The following GRHL2 variants were observed in gnomAD, a reference collection of about 807,000 sequenced individuals.
GRHL2 encodes the protein grainyhead like transcription factor 2.
GRHL2 carries 21 observed loss-of-function variants against 83.8 expected under a neutral mutation model. The observed-to-expected ratio is 0.25, with a 90% confidence interval of 0.18 to 0.36. GRHL2 has a LOEUF of 0.36. Ranked by LOEUF, GRHL2 falls within the 10% of genes least tolerant of loss-of-function variation. The probability of loss-of-function intolerance (pLI) is 1.00; values close to 1 mark genes in which losing one functional copy is unlikely to be tolerated. For synonymous variants in GRHL2, 280 were observed against 278.9 expected, an observed-to-expected ratio of 1.00 and a Z score of -0.04; for missense variants, 623 against 781.8, an observed-to-expected ratio of 0.80 and a Z score of 2.42.
chr8:101,626,186 A>G (rs890755667), intron 9 of GRHL2, among the ~76,000 whole-genome samples: 1 of 151,918 alleles, frequency 6.6e-6, no homozygotes, highest in African/African-American at 2.4e-5. Context: ...AAAACCATAC[A>G]TTTTCTCATC....
Position 101,577,409 on chromosome 8 carries a change from G to A in GRHL2, c.893G>A (p.Ser298Asn). 6.2e-7 allele frequency: 1 copy of A among 1,603,730 alleles called. No individual in the cohort carries two copies. The highest frequency in any genetic ancestry group is 8.5e-7 in the Non-Finnish European group (1 of 1,170,696). ...GCTCCACGATTCTCCCCTCTGCAGAGTGTGGTGATGGTGGTCTTCAGTGAA... is the reference window on the plus strand; with the variant it reads ...GCTCCACGATTCTCCCCTCTGCAGAATGTGGTGATGGTGGTCTTCAGTGAA... ...CFRHPISKVR[S>N]VVMVVFSEDK... is the part of the protein sequence containing the mutation. Residue 298 changes from serine to asparagine, a missense_variant and splice_region_variant, in exon 7 of 16, where the codon AGT becomes AAT. By Grantham distance (46) the Ser-to-Asn change is conservative. Around this residue, in one of 8 missense-constraint regions of GRHL2, gnomAD observed 96 missense variants for 144.8 expected, o/e 0.66. Coordinates refer to ENST00000646743, the MANE Select transcript of GRHL2 (RefSeq NM_024915.4).
downstream of GRHL2, among the ~76,000 whole-genome samples, chr8:101,670,032 C>A (rs546652995): frequency 6.6e-6 from 1 of 152,348 alleles, no homozygotes. Context: ...CATCCTCACT[C>A]CCAGGCCCAC....
At chr8:101,656,071 C>T (rs2129730993) in intron 14 of GRHL2, among the ~76,000 whole-genome samples, 1 of 152,202 alleles carries the variant, frequency 6.6e-6, no homozygotes, top group East Asian at 1.9e-4. Context: ...CCCAGCCCAC[C>T]CACGTAAATA....
intron 7 of GRHL2, among the ~76,000 whole-genome samples, chr8:101,592,255 C>A (rs899746643): frequency 2.6e-5 from 4 of 151,936 alleles, no homozygotes; most frequent in African/African-American, 9.7e-5. Context: ...CAGGTGCCCA[C>A]AACCACGCCC....
rs543526703 is a variant in GRHL2 at position 101,631,716 on chromosome 8, G to A, written c.1337G>A (p.Cys446Tyr). The change falls in exon 10 of 16, where the codon TGC becomes TAC. Residue 446 changes from cysteine (C) to tyrosine (Y), a missense_variant. Coordinates refer to ENST00000646743, the MANE Select transcript of GRHL2 (RefSeq NM_024915.4). Reference protein sequence around the residue: ...KGKGQASQTQCNSSSDGKLAA... With the variant: ...KGKGQASQTQYNSSSDGKLAA... The stretch of plus-strand genomic sequence containing the variant: ...AAAGGCCAGGCCTCCCAAACTCAAT[G>A]CAACAGCTGTGAGTTTCACTGAGAC... The A allele has an allele frequency of 1.6e-5, 25 of 1,612,860 alleles. No individual in the cohort carries two copies. The highest frequency in any genetic ancestry group is 2.1e-5 in the Non-Finnish European group (25 of 1,179,072).
At chr8:101,505,412 T>C (rs1459762887) in intron 1 of GRHL2, among the ~76,000 whole-genome samples, 1 of 151,890 alleles carries the variant, frequency 6.6e-6, no homozygotes, top group East Asian at 1.9e-4. Context: ...ACCCCATCTC[T>C]ATTAAAAATA....
chr8:101,589,244 T>C (rs997641163), intron 7 of GRHL2, among the ~76,000 whole-genome samples: 3 of 152,238 alleles, frequency 2.0e-5, no homozygotes, highest in African/African-American at 4.8e-5. Flanking sequence ...CCAGGTACTT[T>C]TGTGTGATTT....
At position 101,577,434 on chromosome 8, in the gene GRHL2, A is replaced by G; in HGVS notation, c.918A>G (p.Glu306=). Residue 306 remains glutamate, a synonymous_variant, in exon 7 of 16, where the codon GAA becomes GAG. Transcript: ENST00000646743. ...VRSVVMVVFS[E]DKNRDEQLKY... The stretch of plus-strand genomic sequence containing the variant: ...GTGTGGTGATGGTGGTCTTCAGTGA[A>G]GACAAAAACAGAGATGAACAGCTCA... 2 of 1,613,834 alleles carry G rather than the reference A, an allele frequency of 1.2e-6. No individual in the cohort carries two copies. Among genetic ancestry groups the G allele is most frequent in the Non-Finnish European group, 1.7e-6 (2 of 1,179,742 alleles).
Position 101,573,650 on chromosome 8 carries a change from G to GT in GRHL2, c.735-15dup. The GT allele has an allele frequency of 6.2e-7, 1 of 1,614,124 alleles. No individual in the cohort carries two copies. Reference sequence around the variant, plus strand: ...GTCCAAGTGAGTGGATCTGACCGCTGTTTGTTTTCTTTCACAGTGGCACAT... The same window carrying GT: ...GTCCAAGTGAGTGGATCTGACCGCTGTTTTGTTTTCTTTCACAGTGGCACAT... On this transcript the variant is annotated splice_polypyrimidine_tract_variant and intron_variant, in intron 5 of 15. Transcript: ENST00000646743.
chr8:101,651,034 G>T (rs905201301), intron 14 of GRHL2, among the ~76,000 whole-genome samples: 3 of 152,028 alleles, frequency 2.0e-5, no homozygotes, highest in Non-Finnish European at 4.4e-5. Context: ...TACTGGATCT[G>T]CCTCACATTA....
intron 6 of GRHL2, among the ~76,000 whole-genome samples, chr8:101,574,652 C>A (rs1811897149): frequency 6.6e-6 from 1 of 152,212 alleles, no homozygotes; most frequent in Non-Finnish European, 1.5e-5. Flanking sequence ...GGCATGCCGC[C>A]AGTGCAGGTG....
chr8:101,539,465 T>TG (rs1239335417), intron 1 of GRHL2, among the ~76,000 whole-genome samples: 2 of 152,208 alleles, frequency 1.3e-5, no homozygotes, highest in East Asian at 1.9e-4. Context: ...TAATCAATCG[T>TG]GGGGGGCCGG....
chr8:101,557,024 T>C lies in GRHL2; in HGVS notation c.285-1395T>C, dbSNP rs1206527156. 4.6e-5 allele frequency among the ~76,000 whole-genome samples: 7 copies of C among 152,098 alleles called. No homozygotes were observed. The East Asian group carries it at 1.3e-3, about 29-fold the overall frequency. ...TTCAGCAATGATAAATTTTTGCCACTGCTTAATATCTGCTTGATACTGACC... is the reference window on the plus strand; with the variant it reads ...TTCAGCAATGATAAATTTTTGCCACCGCTTAATATCTGCTTGATACTGACC... On this transcript the variant is annotated intron_variant, in intron 3 of 15. Coordinates refer to ENST00000646743, the MANE Select transcript of GRHL2 (RefSeq NM_024915.4).
At chr8:101,550,798 T>C (rs1811364375) in intron 2 of GRHL2, among the ~76,000 whole-genome samples, 1 of 152,240 alleles carries the variant, frequency 6.6e-6, no homozygotes, top group South Asian at 2.1e-4. Flanking sequence ...CTCTCTGTTT[T>C]ACCTTCTGTC....
Position 101,664,488 on chromosome 8 carries a change from T to C in GRHL2, c.1733T>C (p.Ile578Thr). 1.2e-6 allele frequency: 2 copies of C among 1,613,710 alleles called. No individual in the cohort carries two copies. Among genetic ancestry groups the C allele is most frequent in the African/African-American group, 1.3e-5 (1 of 75,028 alleles). Residue 578 changes from isoleucine to threonine, a missense_variant, in exon 15 of 16, where the codon ATA becomes ACA. By Grantham distance (89) the Ile-to-Thr change is moderately conservative (BLOSUM62 -1). Coordinates refer to ENST00000646743, the MANE Select transcript of GRHL2 (RefSeq NM_024915.4). ...SEKYGLPVEK[I>T]AKLYKKSKKG... Reference sequence around the variant, plus strand: ...AAATATGGGCTGCCCGTGGAGAAGATAGCAAAGCTTTACAAGAAAAGCAAA... The same window carrying C: ...AAATATGGGCTGCCCGTGGAGAAGACAGCAAAGCTTTACAAGAAAAGCAAA...
chr8:101,614,752 T>C (rs993141141), intron 8 of GRHL2, among the ~76,000 whole-genome samples: 5 of 152,230 alleles, frequency 3.3e-5, no homozygotes, highest in Non-Finnish European at 4.4e-5. Context: ...TGAATGCTTA[T>C]CACTTTCCAA....
intron 9 of GRHL2, 100 bp from the exon 10 acceptor site, chr8:101,631,537 C>T: frequency 1.0e-6 from 1 of 960,068 alleles, no homozygotes; most frequent in Non-Finnish European, 1.6e-6. Context: ...TTACCTCCTC[C>T]CCTGTATTGT....
intron 7 of GRHL2, among the ~76,000 whole-genome samples, chr8:101,592,328 G>A (rs1414624127): frequency 6.6e-6 from 1 of 151,914 alleles, no homozygotes; most frequent in Non-Finnish European, 1.5e-5. Context: ...TGGTCTCAAA[G>A]TCCTGACCTC....
intron 8 of GRHL2, among the ~76,000 whole-genome samples, chr8:101,607,442 C>T (rs931495161): frequency 1.3e-5 from 2 of 152,152 alleles, no homozygotes; most frequent in African/African-American, 4.8e-5. Flanking sequence ...CGGCCCAGTG[C>T]TTTTGTCTGG....
Sources: allele counts gnomAD v4.1 joint callset (sites outside exome capture counted in the v4.1 genomes callset), GRCh38; gene constraint gnomAD v4.1.1; regional missense constraint gnomAD v4.1.1; transcripts MANE v1.5; gene names NCBI Gene and HGNC (gene_info 2026-07-23, HGNC 2026-07-21).